KIAA1671: variants seen among roughly 807,000 people sequenced by gnomAD.
KIAA1671 encodes uncharacterized protein KIAA1671.
A neutral mutation model predicts 131.2 loss-of-function variants in KIAA1671; 52 were observed. That is an observed-to-expected ratio of 0.40 (90% confidence interval 0.32 to 0.50). KIAA1671 has a LOEUF of 0.50. Ranked by LOEUF, KIAA1671 falls within the 20% of genes least tolerant of loss-of-function variation. The pLI is 0.73. For synonymous variants in KIAA1671, 1,003 were observed against 961.6 expected, an observed-to-expected ratio of 1.04 and a Z score of -0.80; for missense variants, 2,360 against 2,364.2, an observed-to-expected ratio of 1.00 and a Z score of 0.04.
chr22:25,187,988 A>G (rs1244190571), intron 11 of KIAA1671, among the ~76,000 whole-genome samples: 4 of 152,128 alleles, frequency 2.6e-5, no homozygotes, highest in African/African-American at 9.7e-5. Flanking sequence ...ACCTTTCTGT[A>G]TGTGTTCTTC....
At chr22:25,060,972 T>C (rs1569494) in intron 6 of KIAA1671, 7 of 152,128 alleles carry the variant, frequency 4.6e-5, no homozygotes, top group Admixed American at 6.5e-5. Context: ...TCTGTCCCCA[T>C]TGGGCCCCAT....
chr22:25,056,896 G>A (rs1927870053), intron 6 of KIAA1671: 1 of 151,962 alleles, frequency 6.6e-6, no homozygotes, highest in African/African-American at 2.4e-5. Context: ...ACACCTGGTA[G>A]GTGCTTTGTA....
chr22:24,968,948 G>A (rs1391778945), intron 1 of KIAA1671, among the ~76,000 whole-genome samples: 1 of 152,164 alleles, frequency 6.6e-6, no homozygotes, highest in Non-Finnish European at 1.5e-5. Context: ...CACCCAGGTA[G>A]GAGTGCAGTG....
rs369861604 is a variant in KIAA1671, at chr22:25,005,064, G to T, written c.-207-20569G>T. 8.1e-5 allele frequency among the ~76,000 whole-genome samples: 12 copies of T among 148,946 alleles called. No individual in the cohort carries two copies. In the South Asian group the frequency reaches 1.5e-3, roughly 19 times the overall value. On this transcript the variant is annotated intron_variant, in intron 1 of 12. Transcript: ENST00000358431. ...GCAAAGGTTATATTAGAAATGGAAA[G>T]GTTGGCTGGGTGCAGTGGCTCACGC... is the stretch of plus-strand genomic sequence containing the variant.
chr22:25,008,291 A>G (rs887366919), intron 1 of KIAA1671, among the ~76,000 whole-genome samples: 22 of 151,340 alleles, frequency 1.5e-4, no homozygotes, highest in African/African-American at 5.1e-4. Context: ...GAACCCTCCC[A>G]GGCCAGGCCA....
chr22:25,019,748 C>T (rs1925560494), intron 1 of KIAA1671, among the ~76,000 whole-genome samples: 1 of 151,822 alleles, frequency 6.6e-6, no homozygotes, highest in Non-Finnish European at 1.5e-5. Flanking sequence ...CTTTCCTGTG[C>T]ATACCCCCTT....
At chr22:25,171,856 T>C (rs1933860731) in intron 7 of KIAA1671, among the ~76,000 whole-genome samples, 1 of 152,124 alleles carries the variant, frequency 6.6e-6, no homozygotes, top group Admixed American at 6.5e-5. Context: ...GGTTTCCTTT[T>C]GGGGTGATGG....
intron 6 of KIAA1671, among the ~76,000 whole-genome samples, chr22:25,149,819 T>TC (rs1389563151): frequency 2.6e-5 from 4 of 151,690 alleles, no homozygotes; most frequent in Non-Finnish European, 5.9e-5. Context: ...TCGCACATGG[T>TC]CCCTGTACCT....
In KIAA1671 at chr22:25,029,297, C is replaced by T. The variant is rs1332428149; in HGVS notation, c.1298C>T (p.Ser433Phe). The T allele has an allele frequency of 2.0e-6, 3 of 1,525,628 alleles. No individual in the cohort carries two copies. The highest frequency in any genetic ancestry group is 2.0e-5 in the Admixed American group (1 of 49,278). The allele number at this position is 1,525,628 out of a possible 1,614,324, so 94.5% of individuals were successfully genotyped here. A position where few individuals can be genotyped will look rare whatever the true frequency, so the allele number is the denominator to read the frequency against. The change falls in exon 3 of 13, where the codon TCC becomes TTC. Residue 433 changes from serine (S) to phenylalanine (F), a missense_variant. Physicochemically the swap from Ser to Phe is radical, Grantham distance 155. Around this residue, in one of 3 missense-constraint regions of KIAA1671, gnomAD observed 1,185 missense variants for 1,126.2 expected, o/e 1.05. Coordinates refer to ENST00000358431, the MANE Select transcript of KIAA1671 (RefSeq NM_001145206.2). ...GEAAAGGEWA[S>F]RRSVRKCISL... is the part of the protein sequence containing the mutation. The stretch of plus-strand genomic sequence containing the variant: ...GCCGCGGCAGGGGGAGAGTGGGCCT[C>T]CAGGAGGAGTGTCAGGAAGTGCATC...
chr22:24,970,742 C>A (rs5752028), intron 1 of KIAA1671, among the ~76,000 whole-genome samples: 52,174 of 144,026 alleles, frequency 0.36, 10,405 homozygotes, highest in East Asian at 0.65. Context: ...AAAAAAAAAA[C>A]AAAACAAAAC....
At chr22:25,072,437 C>A (rs147238980) in intron 6 of KIAA1671, among the ~76,000 whole-genome samples, 8 of 152,180 alleles carry the variant, frequency 5.3e-5, no homozygotes, top group Non-Finnish European at 1.2e-4. Flanking sequence ...CTGTGGGTGA[C>A]CAGGTCCTGG....
rs534702506 is a variant in KIAA1671, at chr22:24,975,915, T to C, written c.-208+23143T>C. Among the ~76,000 whole-genome samples, 3 of 152,312 alleles carry C rather than the reference T, an allele frequency of 2.0e-5. No homozygotes were observed. In the South Asian group the frequency reaches 6.2e-4, roughly 32 times the overall value. On this transcript the variant is annotated intron_variant, in intron 1 of 12. Transcript: ENST00000358431. ...AGCAGGAGATGAGAGCTTTGGTTAA[T>C]TTGTCCAGCAGCAGAGATGGGTTTC...
chr22:24,984,521 T>G (rs1923412756), intron 1 of KIAA1671, among the ~76,000 whole-genome samples: 1 of 152,146 alleles, frequency 6.6e-6, no homozygotes, highest in African/African-American at 2.4e-5. Flanking sequence ...ATCTGCCCAG[T>G]CAAGAGACGG....
intron 1 of KIAA1671, among the ~76,000 whole-genome samples, chr22:25,017,252 A>C (rs1354707221): frequency 6.6e-6 from 1 of 152,184 alleles, no homozygotes. Context: ...GCCTGGTGGC[A>C]GGCGCCTGTA....
Position 25,040,638 on chromosome 22 carries a change from C to G in KIAA1671, c.3508C>G (p.Pro1170Ala). The change falls in exon 5 of 13, where the codon CCA becomes GCA. Residue 1170 changes from proline (P) to alanine (A), a missense_variant. By Grantham distance (27) the Pro-to-Ala change is conservative (BLOSUM62 -1). This residue lies in a region of KIAA1671 where 1,161 missense variants were observed against 1,204.7 expected (regional missense o/e 0.96). Transcript: ENST00000358431. ...AACCACCCCGACTCTGAGGAGTCGTCCAAAAGATCTTCCTGTGAGAAGGAA... is the reference window on the plus strand; with the variant it reads ...AACCACCCCGACTCTGAGGAGTCGTGCAAAAGATCTTCCTGTGAGAAGGAA... ...PQTTPTLRSR[P>A]KDLPVRRKTD... 1 of 1,551,914 alleles carries G rather than the reference C, an allele frequency of 6.4e-7. No homozygotes were observed. The highest frequency in any genetic ancestry group is 1.2e-5 in the South Asian group (1 of 84,054).
chr22:25,058,536 G>A (rs1005777294), intron 6 of KIAA1671: 6 of 151,962 alleles, frequency 3.9e-5, no homozygotes, highest in Non-Finnish European at 5.9e-5. Flanking sequence ...AGAGATCCCC[G>A]GGGGATACGG....
Position 25,177,078 on chromosome 22 carries a change from C to G in KIAA1671, c.4900-270C>G, listed in dbSNP as rs1934057672. On this transcript the variant is annotated intron_variant, in intron 8 of 12. Coordinates refer to ENST00000358431, the MANE Select transcript of KIAA1671 (RefSeq NM_001145206.2). Reference sequence around the variant, plus strand: ...GGGAAAAGGCATTTGTATTATGTGCCTACTGGGTGCCAGGAAGCCAGGCAC... The same window carrying G: ...GGGAAAAGGCATTTGTATTATGTGCGTACTGGGTGCCAGGAAGCCAGGCAC... 3 of 420,862 alleles carry G rather than the reference C, an allele frequency of 7.1e-6. No homozygotes were observed. The South Asian group carries it at 1.6e-4, about 23-fold the overall frequency. 26.1% of individuals were successfully genotyped at this position (420,862 alleles called of 1,614,324 possible). A position where few individuals can be genotyped will look rare whatever the true frequency, so the allele number is the denominator to read the frequency against.
At chr22:25,116,327 C>T (rs1264864099) in intron 6 of KIAA1671, among the ~76,000 whole-genome samples, 1 of 152,084 alleles carries the variant, frequency 6.6e-6, no homozygotes, top group African/African-American at 2.4e-5. Flanking sequence ...CCCACCTCAG[C>T]CTCCCAAAGT....
intron 1 of KIAA1671, among the ~76,000 whole-genome samples, chr22:24,965,962 T>C (rs769564036): frequency 2.6e-5 from 4 of 152,182 alleles, no homozygotes; most frequent in African/African-American, 4.8e-5. Flanking sequence ...GTTTATAGGA[T>C]CCTCATAACA....
Sources: gnomAD v4.1 joint callset for allele counts (sites outside exome capture counted in the v4.1 genomes callset) on GRCh38, gnomAD v4.1.1 for gene constraint, gnomAD v4.1.1 regional missense constraint, MANE v1.5 for transcripts, NCBI Gene and HGNC (gene_info 2026-07-23, HGNC 2026-07-21) for gene names.